The following TNFRSF1B variants were observed in gnomAD, a reference collection of about 807,000 sequenced individuals.
TNFRSF1B encodes TNF receptor superfamily member 1B.
In TNFRSF1B, 19 loss-of-function variants were observed where a neutral mutation model predicts 44.6. The ratio of observed to expected loss-of-function variants is 0.43; its 90% CI spans 0.30 to 0.62. The LOEUF (loss-of-function observed/expected upper bound fraction) is 0.62. Ranked by LOEUF, TNFRSF1B falls within the 20% of genes least tolerant of loss-of-function variation. The probability of loss-of-function intolerance (pLI) is 0.16; values close to 1 mark genes in which losing one functional copy is unlikely to be tolerated. For synonymous variants in TNFRSF1B, 252 were observed against 261.1 expected (o/e 0.97, Z 0.34); for missense variants, 541 against 619.9 (o/e 0.87, Z 1.35).
chr1:12,207,238 G>A lies in TNFRSF1B; in HGVS notation c.*218G>A, dbSNP rs1639526126. ...TGGAAAGCCTCTGCTGCCATGGCGT[G>A]TCCCTCTCGGAAGGCTGGCTGGGCA... On this transcript the variant is annotated 3_prime_UTR_variant, in exon 10 of 10. Coordinates refer to ENST00000376259, the MANE Select transcript of TNFRSF1B (RefSeq NM_001066.3). The A allele has an allele frequency of 2.2e-6, 1 of 448,856 alleles. No homozygotes were observed. The highest frequency in any genetic ancestry group is 3.8e-6 in the Non-Finnish European group (1 of 260,020). The allele number at this position is 448,856 out of a possible 1,614,324, so 27.8% of individuals were successfully genotyped here.
chr1:12,184,545 A>G (rs1172970881), intron 1 of TNFRSF1B, among the ~76,000 whole-genome samples: 1 of 152,278 alleles, frequency 6.6e-6, no homozygotes, highest in Admixed American at 6.5e-5. Flanking sequence ...GCAAAGCCTC[A>G]GACAAGAGAG....
intron 1 of TNFRSF1B, among the ~76,000 whole-genome samples, chr1:12,184,076 G>T (rs898127919): frequency 6.6e-6 from 1 of 152,226 alleles, no homozygotes; most frequent in African/African-American, 2.4e-5. Flanking sequence ...AAGATCCCCT[G>T]TGGGGTGAGT....
intron 9 of TNFRSF1B, among the ~76,000 whole-genome samples, chr1:12,205,107 A>G (rs1312255529): frequency 1.3e-5 from 2 of 152,194 alleles, no homozygotes; most frequent in African/African-American, 4.8e-5. Context: ...GAGATCACAG[A>G]AATGGGGAGG....
intron 1 of TNFRSF1B, among the ~76,000 whole-genome samples, chr1:12,183,647 T>TC (rs1638864475): frequency 1.4e-5 from 2 of 146,288 alleles, no homozygotes; most frequent in East Asian, 2.0e-4. Context: ...TCTAGCTATT[T>TC]TATCTATTTT....
chr1:12,198,019 G>A (rs546057984), intron 8 of TNFRSF1B, among the ~76,000 whole-genome samples: 5 of 152,024 alleles, frequency 3.3e-5, no homozygotes, highest in African/African-American at 7.2e-5. Flanking sequence ...CAGCTACTCC[G>A]GAGGCTGAGG....
chr1:12,176,837 C>T (rs1044069012), intron 1 of TNFRSF1B, among the ~76,000 whole-genome samples: 12 of 152,158 alleles, frequency 7.9e-5, no homozygotes, highest in African/African-American at 1.7e-4. Flanking sequence ...AAGGAAGGGG[C>T]GAGAGGCTTG....
intron 9 of TNFRSF1B, among the ~76,000 whole-genome samples, chr1:12,205,084 C>CTCTGGAGA (rs1057254097): frequency 2.1e-4 from 32 of 152,028 alleles, no homozygotes; most frequent in African/African-American, 7.7e-4. Context: ...GAGCTGGGGG[C>CTCTGGAGA]TCTGGAGATC....
Position 12,183,748 on chromosome 1 carries a change from T to TCTATCTATCTATCTAGCTAG in TNFRSF1B, c.79-5045_79-5044insTCTATCTATCTAGCTAGCTA, listed in dbSNP as rs1279334157. ...ATCTATCTATCTATCTATCTATCTA[T>TCTATCTATCTATCTAGCTAG]CTAGCTAGCTAGCTAGCTAGCTATC... On this transcript the variant is annotated intron_variant, in intron 1 of 9. Transcript: ENST00000376259. Among the ~76,000 whole-genome samples, 105 of 117,024 alleles carry TCTATCTATCTATCTAGCTAG rather than the reference T, an allele frequency of 9.0e-4. 4 individuals are homozygous for TCTATCTATCTATCTAGCTAG. Among genetic ancestry groups the TCTATCTATCTATCTAGCTAG allele is most frequent in the South Asian group, 1.5e-3 (5 of 3,310 alleles). 76.8% of individuals were successfully genotyped at this position (117,024 alleles called of 152,430 possible).
At chr1:12,190,081 G>T (rs1639078285) in intron 2 of TNFRSF1B, among the ~76,000 whole-genome samples, 1 of 152,144 alleles carries the variant, frequency 6.6e-6, no homozygotes, top group Admixed American at 6.5e-5. Flanking sequence ...CCAATGGAGG[G>T]CTTTGAGCCG....
Position 12,191,907 on chromosome 1 carries a change from C to T in TNFRSF1B, c.441C>T (p.Phe147=), listed in dbSNP as rs1375969526. 6.2e-7 allele frequency: 1 copy of T among 1,608,978 alleles called. No homozygotes were observed. Among genetic ancestry groups the T allele is most frequent in the Non-Finnish European group, 8.5e-7 (1 of 1,178,386 alleles). ...CAPLRKCRPG[F]GVARPGTETS... ...CGCTGCGCAAGTGCCGCCCGGGCTT[C>T]GGCGTGGCCAGACCAGGTACGGGGT... Residue 147 remains phenylalanine (F), a synonymous_variant, in exon 4 of 10, where the codon TTC becomes TTT. Transcript: ENST00000376259.
chr1:12,192,327 A>G lies in TNFRSF1B; in HGVS notation c.458-104A>G, dbSNP rs367901707. On this transcript the variant is annotated intron_variant, in intron 4 of 9. Coordinates refer to ENST00000376259, the MANE Select transcript of TNFRSF1B (RefSeq NM_001066.3). Reference sequence around the variant, plus strand: ...GTGTGTAAGGGGTGGAGGTGCAGACAGAGCTCCTTGGGCCCCTCAGACCTC... The same window carrying G: ...GTGTGTAAGGGGTGGAGGTGCAGACGGAGCTCCTTGGGCCCCTCAGACCTC... The G allele has an allele frequency of 3.1e-5, 29 of 926,066 alleles. No individual in the cohort carries two copies. In the African/African-American group the frequency reaches 3.3e-4, roughly 10 times the overall value. The allele number at this position is 926,066 out of a possible 1,614,324, so 57.4% of individuals were successfully genotyped here.
At chr1:12,205,190 C>T (rs563022777) in intron 9 of TNFRSF1B, among the ~76,000 whole-genome samples, 4 of 151,954 alleles carry the variant, frequency 2.6e-5, no homozygotes, top group East Asian at 1.9e-4. Context: ...GAGGGCGCTT[C>T]GTGGAGGAGG....
At chr1:12,183,627 G>GTCTATCTAGCTATTTTATCTA (rs1638862603) in intron 1 of TNFRSF1B, among the ~76,000 whole-genome samples, 7 of 148,576 alleles carry the variant, frequency 4.7e-5, no homozygotes, top group East Asian at 2.0e-4. Flanking sequence ...TTGTCTGTCT[G>GTCTATCTAGCTATTTTATCTA]TTTTATCTAT....
chr1:12,173,751 C>A (rs769288030), intron 1 of TNFRSF1B, among the ~76,000 whole-genome samples: 3 of 152,204 alleles, frequency 2.0e-5, no homozygotes, highest in Non-Finnish European at 4.4e-5. Context: ...CCCTTCCAGG[C>A]CTAGGGCTTT....
chr1:12,194,484 G>A (rs1639221840), intron 7 of TNFRSF1B, 100 bp from the exon 8 acceptor site: 5 of 1,286,520 alleles, frequency 3.9e-6, no homozygotes, highest in Non-Finnish European at 4.5e-6. Context: ...ACAGGGCTGG[G>A]CCTCTCTGCT....
chr1:12,192,244 G>T, intron 4 of TNFRSF1B, 187 bp from the exon 5 acceptor site: 3 of 713,150 alleles, frequency 4.2e-6, no homozygotes, highest in South Asian at 1.5e-5. Flanking sequence ...GTGTGTACAG[G>T]AATCTGTGTG....
intron 8 of TNFRSF1B, among the ~76,000 whole-genome samples, chr1:12,198,518 G>A (rs573427836): frequency 2.6e-5 from 4 of 152,048 alleles, no homozygotes; most frequent in South Asian, 2.1e-4. Flanking sequence ...ACACCCTCAC[G>A]CCTGTAGACA....
chr1:12,189,366 G>A (rs1307785286), intron 2 of TNFRSF1B, among the ~76,000 whole-genome samples: 2 of 152,214 alleles, frequency 1.3e-5, no homozygotes, highest in African/African-American at 4.8e-5. Flanking sequence ...CCTCCACTGT[G>A]TGCTCCTCTA....
rs1284562006 is a variant in TNFRSF1B, at chr1:12,180,776, G to A, written c.79-8020G>A. Among the ~76,000 whole-genome samples the A allele has an allele frequency of 1.3e-5, 2 of 152,146 alleles. No homozygotes were observed. The highest frequency in any genetic ancestry group is 4.8e-5 in the African/African-American group (2 of 41,434). On this transcript the variant is annotated intron_variant, in intron 1 of 9. Coordinates refer to ENST00000376259, the MANE Select transcript of TNFRSF1B (RefSeq NM_001066.3). The surrounding 1 kb of genome is among the most constrained non-coding windows in gnomAD (Gnocchi z 4.3). Reference sequence around the variant, plus strand: ...CTTCCAGCGGGGTCTTTTCTTCCTGGAGCTCGGCCCTCGGCAGCTCTCAGA... The same window carrying A: ...CTTCCAGCGGGGTCTTTTCTTCCTGAAGCTCGGCCCTCGGCAGCTCTCAGA...
Sources: gnomAD v4.1 joint callset for allele counts (sites outside exome capture counted in the v4.1 genomes callset) on GRCh38, gnomAD v4.1.1 for gene constraint, Gnocchi (gnomAD v3.1) non-coding constraint, MANE v1.5 for transcripts, NCBI Gene and HGNC (gene_info 2026-07-23, HGNC 2026-07-21) for gene names.